Variants in TRPC1 observed in about 807,000 individuals in gnomAD.
TRPC1 encodes transient receptor potential cation channel subfamily C member 1.
TRPC1 carries 42 observed loss-of-function variants against 88.2 expected under a neutral mutation model. The observed-to-expected ratio is 0.48, with a 90% CI of 0.37 to 0.62. TRPC1 has a LOEUF of 0.62. TRPC1 is among the 20% of genes least tolerant of loss of function. The pLI is 0.00. For missense variants in TRPC1, 699 were observed against 957.3 expected (o/e 0.73, Z 3.56); for synonymous variants, 288 against 331.8 (o/e 0.87, Z 1.43).
rs1475039298 is a variant in TRPC1 at position 142,807,259 on chromosome 3, T to C, written c.*1024T>C. ...CTTGAGCTTATCTCCCAAGGTACTT[T>C]CCATAATTTAACACAGCTTCTATAA... On this transcript the variant is annotated 3_prime_UTR_variant, in exon 13 of 13. Coordinates refer to ENST00000476941, the MANE Select transcript of TRPC1 (RefSeq NM_001251845.2). 2 of 152,216 alleles carry C rather than the reference T, an allele frequency of 1.3e-5. No homozygotes were observed. Among genetic ancestry groups the C allele is most frequent in the Non-Finnish European group, 2.9e-5 (2 of 68,028 alleles). The allele number at this position is 152,216 out of a possible 1,614,324, so 9.4% of individuals were successfully genotyped here.
intron 4 of TRPC1, among the ~76,000 whole-genome samples, chr3:142,754,556 A>G (rs1173940946): frequency 6.6e-6 from 1 of 152,234 alleles, no homozygotes. Context: ...ATAAAAAACA[A>G]AAATTTAATT....
chr3:142,785,083 C>T, intron 7 of TRPC1, 43 bp downstream of exon 7: 1 of 1,482,870 alleles, frequency 6.7e-7, no homozygotes, highest in Non-Finnish European at 9.0e-7. Context: ...TTTATTTAGC[C>T]CACTGATTCT....
At chr3:142,730,895 T>A (rs192676094) in intron 1 of TRPC1, among the ~76,000 whole-genome samples, 277 of 152,314 alleles carry the variant, frequency 1.8e-3, no homozygotes, top group African/African-American at 5.9e-3. Context: ...TCTCTCACAC[T>A]TCACAACTAA....
chr3:142,769,743 G>A lies in TRPC1; in HGVS notation c.633-7889G>A, dbSNP rs548132720. 7.9e-5 allele frequency among the ~76,000 whole-genome samples: 12 copies of A among 152,028 alleles called. No homozygotes were observed. The South Asian group carries it at 8.3e-4, about 11-fold the overall frequency. ...CCATTGTGGTTGGAGAACATACTTC[G>A]TGTTATTTCTGTCCTTTTAAATTTA... On this transcript the variant is annotated intron_variant, in intron 4 of 12. Coordinates refer to ENST00000476941, the MANE Select transcript of TRPC1 (RefSeq NM_001251845.2).
intron 4 of TRPC1, among the ~76,000 whole-genome samples, chr3:142,770,216 C>G (rs973747133): frequency 9.9e-5 from 15 of 150,976 alleles, no homozygotes; most frequent in Non-Finnish European, 2.2e-4. Context: ...TTTGCCTCAG[C>G]CTCCTGAGTT....
In TRPC1 at chr3:142,742,118, G is replaced by A. The variant is rs187496005; in HGVS notation, c.328-1367G>A. ...GCGGAGGTTGCAGTGAGCCAAGATT[G>A]TGCCACTGCACTCCAGCCTGGGTGA... is the stretch of plus-strand genomic sequence containing the variant. On this transcript the variant is annotated intron_variant, in intron 2 of 12. Coordinates refer to ENST00000476941, the MANE Select transcript of TRPC1 (RefSeq NM_001251845.2). Among the ~76,000 whole-genome samples the A allele has an allele frequency of 5.1e-3, 772 of 150,650 alleles. 10 individuals are homozygous for A. The highest frequency in any genetic ancestry group is 0.017 in the African/African-American group (691 of 40,894).
At chr3:142,749,001 G>A (rs565227539) in intron 4 of TRPC1, among the ~76,000 whole-genome samples, 3 of 152,166 alleles carry the variant, frequency 2.0e-5, no homozygotes, top group East Asian at 1.9e-4. Context: ...ATCACACGTG[G>A]GCATGCTGTA....
Position 142,777,766 on chromosome 3 carries a change from G to A in TRPC1, c.764+3G>A. ...AGTCTTGTGGAGGTGGAATTCAGGTGGGAATGAATGCAAATTATATAATGT... is the reference window on the plus strand; with the variant it reads ...AGTCTTGTGGAGGTGGAATTCAGGTAGGAATGAATGCAAATTATATAATGT... On this transcript the variant is annotated splice_donor_region_variant and intron_variant, in intron 5 of 12. Coordinates refer to ENST00000476941, the MANE Select transcript of TRPC1 (RefSeq NM_001251845.2). The A allele has an allele frequency of 1.9e-6, 3 of 1,603,526 alleles. No homozygotes were observed. The highest frequency in any genetic ancestry group is 1.7e-6 in the Non-Finnish European group (2 of 1,175,244).
intron 6 of TRPC1, among the ~76,000 whole-genome samples, chr3:142,782,824 G>C (rs898110082): frequency 2.0e-5 from 3 of 152,196 alleles, no homozygotes; most frequent in African/African-American, 7.2e-5. Flanking sequence ...CTGCGGGCTG[G>C]CTGGGGTACA....
chr3:142,749,297 C>G (rs1934668361), intron 4 of TRPC1, among the ~76,000 whole-genome samples: 1 of 152,184 alleles, frequency 6.6e-6, no homozygotes, highest in African/African-American at 2.4e-5. Context: ...TAATTTTATA[C>G]AGTACATAAT....
At chr3:142,800,831 T>A (rs950992239) in intron 9 of TRPC1, among the ~76,000 whole-genome samples, 2 of 151,034 alleles carry the variant, frequency 1.3e-5, no homozygotes, top group East Asian at 3.9e-4. Flanking sequence ...GGCAGGAGAA[T>A]CACTTGAACT....
intron 1 of TRPC1, among the ~76,000 whole-genome samples, chr3:142,726,291 C>T (rs562376385): frequency 6.6e-6 from 1 of 152,250 alleles, no homozygotes; most frequent in African/African-American, 2.4e-5. Flanking sequence ...AGAAAAATAT[C>T]AGTGGAATAT....
At position 142,724,908 on chromosome 3, in the gene TRPC1, C is replaced by G. The variant is rs1396147002; in HGVS notation, c.172+177C>G. ...CCGCCTCTGCCCTGTGAGTGTGGAG[C>G]TGGCGGGAGAGTGGAGCTGGGGCTG... On this transcript the variant is annotated intron_variant, in intron 1 of 12. Transcript: ENST00000476941. This position sits in a 1 kb window ranked among gnomAD's most constrained non-coding sequence, Gnocchi z 5.6. Among the ~76,000 whole-genome samples the G allele has an allele frequency of 6.6e-6, 1 of 152,194 alleles. No individual in the cohort carries two copies.
Position 142,802,229 on chromosome 3 carries a change from T to G in TRPC1, c.1642T>G (p.Leu548Val). ...ATTTCTTGGGATGTTTCTTCTTGTT[T>G]TGTTTTCTTTCACAATTGGACTGAC... ...GKFLGMFLLV[L>V]FSFTIGLTQL... Residue 548 changes from leucine to valine, a missense_variant, in exon 10 of 13, where the codon TTG becomes GTG. Transcript: ENST00000476941. The G allele has an allele frequency of 6.3e-7, 1 of 1,596,828 alleles. No homozygotes were observed. Among genetic ancestry groups the G allele is most frequent in the Non-Finnish European group, 8.5e-7 (1 of 1,173,566 alleles).
chr3:142,773,379 A>G (rs1228078132), intron 4 of TRPC1, among the ~76,000 whole-genome samples: 1 of 152,092 alleles, frequency 6.6e-6, no homozygotes, highest in Non-Finnish European at 1.5e-5. Context: ...TTTAAGAGAA[A>G]AAGATTTCAA....
chr3:142,794,412 A>G (rs751873555), intron 9 of TRPC1, among the ~76,000 whole-genome samples: 1 of 152,132 alleles, frequency 6.6e-6, no homozygotes, highest in Non-Finnish European at 1.5e-5. Context: ...ATGGAGTAAT[A>G]AGGATTGGAT....
At chr3:142,761,528 A>T (rs1295355885) in intron 4 of TRPC1, among the ~76,000 whole-genome samples, 1 of 151,984 alleles carries the variant, frequency 6.6e-6, no homozygotes, top group South Asian at 2.1e-4. Context: ...ATTGGCCTGT[A>T]GTTTTCTTTT....
Position 142,790,913 on chromosome 3 carries a change from A to G in TRPC1, c.1298-106A>G, listed in dbSNP as rs906735992. Reference sequence around the variant, plus strand: ...TTGGTTTTGTTTTTTTTTCTTTTGAATAAGGCCCAAGGATTATTTATTTAA... The same window carrying G: ...TTGGTTTTGTTTTTTTTTCTTTTGAGTAAGGCCCAAGGATTATTTATTTAA... On this transcript the variant is annotated intron_variant, in intron 7 of 12. Coordinates refer to ENST00000476941, the MANE Select transcript of TRPC1 (RefSeq NM_001251845.2). 8.2e-6 allele frequency: 8 copies of G among 978,802 alleles called. No homozygotes were observed. In the African/African-American group the frequency reaches 1.2e-4, roughly 15 times the overall value. The allele number at this position is 978,802 out of a possible 1,614,324, so 60.6% of individuals were successfully genotyped here.
intron 7 of TRPC1, among the ~76,000 whole-genome samples, chr3:142,786,306 A>G (rs1936132327): frequency 6.6e-6 from 1 of 152,176 alleles, no homozygotes; most frequent in Non-Finnish European, 1.5e-5. Context: ...TAGTACTTTC[A>G]TAAGTTATTT....
Sources: allele counts gnomAD v4.1 joint callset (sites outside exome capture counted in the v4.1 genomes callset), GRCh38; gene constraint gnomAD v4.1.1; non-coding constraint Gnocchi (gnomAD v3.1); transcripts MANE v1.5; gene names NCBI Gene and HGNC (gene_info 2026-07-23, HGNC 2026-07-21).